The following MAN1C1 variants were observed in gnomAD, a reference collection of about 807,000 sequenced individuals.
The protein encoded by MAN1C1 is mannosyl-oligosaccharide 1,2-alpha-mannosidase IC.
In MAN1C1, 49 loss-of-function variants were observed where a neutral mutation model predicts 71.5. That is an observed-to-expected ratio of 0.69 (90% CI 0.54 to 0.87). MAN1C1 has a LOEUF of 0.87. Ranked by LOEUF, MAN1C1 falls within the 40% of genes least tolerant of loss-of-function variation. The pLI, the probability that MAN1C1 is intolerant of heterozygous loss-of-function variation, is 0.00. For missense variants in MAN1C1, 743 were observed against 835.0 expected, an observed-to-expected ratio of 0.89 and a Z score of 1.36; for synonymous variants, 352 against 343.7, an observed-to-expected ratio of 1.02 and a Z score of -0.27.
chr1:25,720,209 T>A (rs1391733938), intron 2 of MAN1C1, among the ~76,000 whole-genome samples: 1 of 152,070 alleles, frequency 6.6e-6, no homozygotes, highest in East Asian at 1.9e-4. Context: ...CAAATCCTTT[T>A]TTTTTTTCTT....
rs113691934 is a variant in MAN1C1 at position 25,641,135 on chromosome 1, G to A, written c.540+22798G>A. Among the ~76,000 whole-genome samples the A allele has an allele frequency of 3.0e-3, 452 of 152,312 alleles. 4 individuals are homozygous for A. The highest frequency in any genetic ancestry group is 0.01 in the African/African-American group (435 of 41,568). Reference sequence around the variant, plus strand: ...TTGAAGGGTAGTCGGGGCTAGGCTGGAACAATGCTTCCTGGACAGATCAGG... The same window carrying A: ...TTGAAGGGTAGTCGGGGCTAGGCTGAAACAATGCTTCCTGGACAGATCAGG... On this transcript the variant is annotated intron_variant, in intron 1 of 11. Transcript: ENST00000374332.
Position 25,617,907 on chromosome 1 carries a change from T to A in MAN1C1, c.110T>A (p.Phe37Tyr). ...CTCTCGGGCCTGGTCACCCTGTGCT[T>A]CGGGGCCCTCTTCCTGCTGCCCCAC... The part of the protein sequence containing the change: ...LFLSGLVTLC[F>Y]GALFLLPHSS... The change falls in exon 1 of 12, where the codon TTC becomes TAC. Residue 37 changes from phenylalanine (F) to tyrosine (Y), a missense_variant. Physicochemically the swap from Phe to Tyr is conservative, Grantham distance 22. Transcript: ENST00000374332. The surrounding 1 kb of genome is among the most constrained non-coding windows in gnomAD (Gnocchi z 5.1). 6.2e-7 allele frequency: 1 copy of A among 1,607,980 alleles called. No individual in the cohort carries two copies. The highest frequency in any genetic ancestry group is 8.5e-7 in the Non-Finnish European group (1 of 1,177,920).
At chr1:25,669,104 A>G (rs1242893891) in intron 1 of MAN1C1, among the ~76,000 whole-genome samples, 2 of 152,220 alleles carry the variant, frequency 1.3e-5, no homozygotes, top group Non-Finnish European at 2.9e-5. Context: ...AACACCTGTC[A>G]TGGGCCGTGG....
In MAN1C1 at chr1:25,758,602, G is replaced by A. The variant is rs2047320236; in HGVS notation, c.940G>A (p.Gly314Ser). Residue 314 changes from glycine to serine, a missense_variant, in exon 6 of 12, where the codon GGC becomes AGC. Transcript: ENST00000374332. ...GVVSFKSGNWGWATAGSSSIL... is the reference protein window; with the variant it reads ...GVVSFKSGNWSWATAGSSSIL... ...CTTCTGTCTTTTCAGTGGGAACTGGGGCTGGGCCACAGCCGGCAGCAGCAG... is the reference window on the plus strand; with the variant it reads ...CTTCTGTCTTTTCAGTGGGAACTGGAGCTGGGCCACAGCCGGCAGCAGCAG... 7.4e-6 allele frequency: 12 copies of A among 1,614,150 alleles called. No homozygotes were observed. The highest frequency in any genetic ancestry group is 1.0e-5 in the Non-Finnish European group (12 of 1,180,016).
intron 6 of MAN1C1, chr1:25,761,292 T>C (rs1467052289): frequency 6.6e-6 from 1 of 152,122 alleles, no homozygotes; most frequent in Non-Finnish European, 1.5e-5. Context: ...CCCAAGCCTC[T>C]CCCCCGAAAT....
At chr1:25,681,548 C>T (rs868604456) in intron 1 of MAN1C1, among the ~76,000 whole-genome samples, 2 of 152,156 alleles carry the variant, frequency 1.3e-5, no homozygotes, top group African/African-American at 4.8e-5. Context: ...TAGGAGCACT[C>T]GCAAAACCCA....
Position 25,769,498 on chromosome 1 carries a change from G to A in MAN1C1, c.1142-2159G>A, listed in dbSNP as rs1557801487. Among the ~76,000 whole-genome samples the A allele has an allele frequency of 6.6e-6, 1 of 152,030 alleles. No individual in the cohort carries two copies. Among genetic ancestry groups the A allele is most frequent in the Non-Finnish European group, 1.5e-5 (1 of 67,990 alleles). On this transcript the variant is annotated intron_variant, in intron 7 of 11. Transcript: ENST00000374332. The surrounding 1 kb of genome is among the most constrained non-coding windows in gnomAD (Gnocchi z 4.8). ...GCATCTCAACACCGCGGACCCTAAT[G>A]ACCTGGCTCCCTCCCCTGCGTGCCC...
intron 1 of MAN1C1, among the ~76,000 whole-genome samples, chr1:25,622,054 A>G (rs2045220941): frequency 6.6e-6 from 1 of 152,102 alleles, no homozygotes; most frequent in South Asian, 2.1e-4. Context: ...CCTTGCCCAT[A>G]TGGTGTTTTC....
chr1:25,704,158 G>C (rs944424889), intron 2 of MAN1C1, among the ~76,000 whole-genome samples: 1 of 152,172 alleles, frequency 6.6e-6, no homozygotes, highest in African/African-American at 2.4e-5. Context: ...TCTCTCCCGA[G>C]GCTGAGAACA....
chr1:25,756,815 T>C (rs1572198623), intron 5 of MAN1C1, among the ~76,000 whole-genome samples: 1 of 152,306 alleles, frequency 6.6e-6, no homozygotes, highest in African/African-American at 2.4e-5. Flanking sequence ...CTTTACGTTA[T>C]GGGCTTTCAA....
At chr1:25,620,282 C>A (rs943199934) in intron 1 of MAN1C1, among the ~76,000 whole-genome samples, 1 of 152,216 alleles carries the variant, frequency 6.6e-6, no homozygotes, top group African/African-American at 2.4e-5. Context: ...TCCTTGCACC[C>A]CTGGTACTAG....
intron 11 of MAN1C1, 152 bp from the exon 12 acceptor site, chr1:25,783,511 C>G: frequency 2.5e-6 from 2 of 797,488 alleles, no homozygotes; most frequent in Non-Finnish European, 4.0e-6. Context: ...ACTAGCACCC[C>G]CACCCTGCTG....
intron 2 of MAN1C1, among the ~76,000 whole-genome samples, chr1:25,691,038 C>T (rs957425277): frequency 2.6e-5 from 4 of 152,262 alleles, no homozygotes; most frequent in Admixed American, 6.5e-5. Flanking sequence ...TGGACTCAGC[C>T]GGGTGCAGTG....
chr1:25,684,059 C>T (rs1420004663), intron 1 of MAN1C1, among the ~76,000 whole-genome samples: 2 of 152,170 alleles, frequency 1.3e-5, no homozygotes, highest in East Asian at 1.9e-4. Context: ...CGTAGTTACT[C>T]TGGAACACCC....
intron 1 of MAN1C1, among the ~76,000 whole-genome samples, chr1:25,619,182 G>A (rs1239441212): frequency 2.0e-5 from 3 of 152,198 alleles, no homozygotes; most frequent in African/African-American, 7.2e-5. Flanking sequence ...CTGGACCACT[G>A]TTAGAACTGC....
chr1:25,690,816 C>T lies in MAN1C1; in HGVS notation c.637+4280C>T, dbSNP rs565545588. Among the ~76,000 whole-genome samples, 4 of 152,318 alleles carry T rather than the reference C, an allele frequency of 2.6e-5. No homozygotes were observed. In the East Asian group the frequency reaches 7.7e-4, roughly 29 times the overall value. The stretch of plus-strand genomic sequence containing the variant: ...AGCCCCGTGCCAGGCACAGAGCAGG[C>T]ACTTGATCGGGGGGTGCTATTATTG... On this transcript the variant is annotated intron_variant, in intron 2 of 11. Coordinates refer to ENST00000374332, the MANE Select transcript of MAN1C1 (RefSeq NM_020379.4).
chr1:25,638,151 A>G (rs1476476870), intron 1 of MAN1C1, among the ~76,000 whole-genome samples: 1 of 151,844 alleles, frequency 6.6e-6, no homozygotes, highest in Non-Finnish European at 1.5e-5. Flanking sequence ...CAAGTATTTC[A>G]GATTCTATTT....
chr1:25,689,387 G>C (rs962883298), intron 2 of MAN1C1, among the ~76,000 whole-genome samples: 13 of 152,144 alleles, frequency 8.5e-5, no homozygotes, highest in African/African-American at 2.9e-4. Flanking sequence ...TCTCTCCAAG[G>C]CTGAGTTTTT....
At chr1:25,781,251 G>A (rs1231911506) in intron 10 of MAN1C1, 139 bp downstream of exon 10, 1 of 883,316 alleles carries the variant, frequency 1.1e-6, no homozygotes, top group African/African-American at 1.7e-5. Context: ...GAGTGCAAAG[G>A]GTCAAGGTGG....
Sources: allele counts gnomAD v4.1 joint callset (sites outside exome capture counted in the v4.1 genomes callset), GRCh38; gene constraint gnomAD v4.1.1; non-coding constraint Gnocchi (gnomAD v3.1); transcripts MANE v1.5; gene names NCBI Gene and HGNC (gene_info 2026-07-23, HGNC 2026-07-21).